Variants in PPOX observed in about 807,000 individuals in gnomAD.
The protein encoded by PPOX is protoporphyrinogen oxidase.
In PPOX, 23 loss-of-function variants were observed where a neutral mutation model predicts 54.1. The observed-to-expected ratio is 0.43, with a 90% CI of 0.31 to 0.60. PPOX has a LOEUF of 0.60. PPOX is among the 20% of genes least tolerant of loss of function. The pLI, the probability that PPOX is intolerant of heterozygous loss-of-function variation, is 0.13. For missense variants in PPOX, 512 were observed against 601.1 expected (o/e 0.85, Z 1.55); for synonymous variants, 224 against 236.1 (o/e 0.95, Z 0.47).
At chr1:161,171,747 G>A (rs1047712763), downstream of PPOX, 4 of 1,567,326 alleles carry the variant, frequency 2.6e-6, no homozygotes, top group Admixed American at 5.1e-5. Flanking sequence ...GAACAGTGAG[G>A]AGCTGAGGGT....
chr1:161,166,470 C>G lies in PPOX; in HGVS notation c.-211C>G. ...CCGAAAAGGCTGGGGGTGGGAGTAG[C>G]GGATTTGAAGCACTTGTTGGCCTAC... On this transcript the variant is annotated 5_prime_UTR_variant, in exon 1 of 13. Coordinates refer to ENST00000367999, the MANE Select transcript of PPOX (RefSeq NM_001122764.3). 1.6e-6 allele frequency: 2 copies of G among 1,236,534 alleles called. No individual in the cohort carries two copies. Among genetic ancestry groups the G allele is most frequent in the Non-Finnish European group, 2.0e-6 (2 of 976,022 alleles). The allele number at this position is 1,236,534 out of a possible 1,614,324, so 76.6% of individuals were successfully genotyped here.
At chr1:161,171,879 C>A (rs775492179), downstream of PPOX, 7 of 1,613,990 alleles carry the variant, frequency 4.3e-6, no homozygotes, top group Non-Finnish European at 5.9e-6. Context: ...TGGCTGGGGG[C>A]CGGCGTTGCA....
In PPOX at chr1:161,170,929, T is replaced by C; in HGVS notation, c.1271T>C (p.Leu424Pro). ...LHKNCIPQYTLGHWQKLESAR... is the reference protein window; with the variant it reads ...LHKNCIPQYTPGHWQKLESAR... ...CAGAACTGCATTCCCCAGTATACACTAGGTCACTGGCAAAAACTAGGTAAG... is the reference window on the plus strand; with the variant it reads ...CAGAACTGCATTCCCCAGTATACACCAGGTCACTGGCAAAAACTAGGTAAG... The change falls in exon 12 of 13, where the codon CTA (leucine) becomes CCA (proline). Residue 424 changes from leucine to proline, a missense_variant. By Grantham distance (98) the Leu-to-Pro change is moderately conservative. Transcript: ENST00000367999. 6.2e-7 allele frequency: 1 copy of C among 1,614,078 alleles called. No homozygotes were observed. The highest frequency in any genetic ancestry group is 2.2e-5 in the East Asian group (1 of 44,888).
At position 161,166,807 on chromosome 1, in the gene PPOX, G is replaced by C. The variant is rs372403980; in HGVS notation, c.-8-33G>C. On this transcript the variant is annotated intron_variant, in intron 1 of 12. Coordinates refer to ENST00000367999, the MANE Select transcript of PPOX (RefSeq NM_001122764.3). ...GCTTCTGGAGCGCAGGTTGTCCCCG[G>C]TCTGCCTGTCCATATCGCCCCCTTT... is the stretch of plus-strand genomic sequence containing the variant. 60 of 1,609,232 alleles carry C rather than the reference G, an allele frequency of 3.7e-5. No homozygotes were observed. In the African/African-American group the frequency reaches 7.5e-4, roughly 20 times the overall value.
intron 9 of PPOX, 89 bp from the exon 10 acceptor site, chr1:161,170,320 G>GGGGGGGGGCC: frequency 1.0e-5 from 5 of 494,788 alleles, no homozygotes; most frequent in East Asian, 5.4e-5. Context: ...GTGAGACTCT[G>GGGGGGGGGCC]TCCCCCCCAC....
rs779526273 is a variant in PPOX at position 161,166,846 on chromosome 1, G to A, written c.-2G>A. 6.2e-7 allele frequency: 1 copy of A among 1,613,174 alleles called. No individual in the cohort carries two copies. The highest frequency in any genetic ancestry group is 8.5e-7 in the Non-Finnish European group (1 of 1,180,030). On this transcript the variant is annotated 5_prime_UTR_variant, in exon 2 of 13. Coordinates refer to ENST00000367999, the MANE Select transcript of PPOX (RefSeq NM_001122764.3). Reference sequence around the variant, plus strand: ...ATCGCCCCCTTTCCCCCAGGTTTCCGCATGGGCCGGACCGTGGTCGTGCTG... The same window carrying A: ...ATCGCCCCCTTTCCCCCAGGTTTCCACATGGGCCGGACCGTGGTCGTGCTG...
At chr1:161,175,890 G>A, downstream of PPOX, 5 of 1,614,176 alleles carry the variant, frequency 3.1e-6, no homozygotes, top group African/African-American at 1.3e-5. Flanking sequence ...GGTGACTGAG[G>A]TTACTGTAGA....
chr1:161,174,095 G>A (rs113974201), downstream of PPOX: 157 of 1,580,748 alleles, frequency 9.9e-5, 1 homozygote, highest in African/African-American at 2.6e-4. Context: ...TAGGTGGCAC[G>A]GAGAAAAGGG....
At chr1:161,168,952 C>T (rs1286615321) in intron 6 of PPOX, 41 bp from the exon 7 acceptor site, 2 of 1,609,474 alleles carry the variant, frequency 1.2e-6, no homozygotes. Context: ...GTGTGAGCCA[C>T]TGCATCCAGC....
downstream of PPOX, chr1:161,175,274 A>G: frequency 6.5e-7 from 1 of 1,547,070 alleles, no homozygotes; most frequent in Non-Finnish European, 8.9e-7. Context: ...GGGCAAAGAG[A>G]AAAGAATCAA....
chr1:161,172,354 A>G (rs776265561), downstream of PPOX: 142 of 1,601,032 alleles, frequency 8.9e-5, no homozygotes, highest in Non-Finnish European at 1.2e-4. Flanking sequence ...TGAGGGTATC[A>G]TGGGGGATCC....
chr1:161,172,459 A>G, downstream of PPOX: 2 of 771,406 alleles, frequency 2.6e-6, no homozygotes, highest in Non-Finnish European at 2.0e-6. Context: ...AGCCCAGGAC[A>G]GAAGTCAAAC....
chr1:161,173,727 G>C (rs1454473717), downstream of PPOX: 1 of 1,614,110 alleles, frequency 6.2e-7, no homozygotes, highest in Non-Finnish European at 8.5e-7. Context: ...GGTACGGGAG[G>C]CTAGGGAGAG....
rs1384437228 is a variant in PPOX, at chr1:161,169,086, C to T, written c.710C>T (p.Pro237Leu). 1 of 1,614,096 alleles carries T rather than the reference C, an allele frequency of 6.2e-7. No individual in the cohort carries two copies. The highest frequency in any genetic ancestry group is 8.5e-7 in the Non-Finnish European group (1 of 1,180,054). ...CTTCGTGGAGGTCTAGAGATGTTGC[C>T]TCAGGCCCTTGAAACCCACCTGACT... Reference protein sequence around the residue: ...WSLRGGLEMLPQALETHLTSR... With the variant: ...WSLRGGLEMLLQALETHLTSR... Residue 237 changes from proline to leucine, a missense_variant, in exon 7 of 13, where the codon CCT becomes CTT. By Grantham distance (98) the Pro-to-Leu change is moderately conservative (BLOSUM62 -3). Transcript: ENST00000367999.
downstream of PPOX, chr1:161,176,028 C>T (rs376654906): frequency 4.4e-4 from 707 of 1,613,960 alleles, no homozygotes; most frequent in Non-Finnish European, 5.6e-4. Flanking sequence ...GCAGGGCCAG[C>T]GTGCAAGGCC....
chr1:161,168,317 G>A, intron 5 of PPOX, 115 bp from the exon 6 acceptor site: 1 of 1,570,838 alleles, frequency 6.4e-7, no homozygotes, highest in Admixed American at 1.7e-5. Flanking sequence ...CGTCACAGTG[G>A]GAATGTCCCC....
At chr1:161,175,068 C>A, downstream of PPOX, 1 of 1,614,120 alleles carries the variant, frequency 6.2e-7, no homozygotes, top group East Asian at 2.2e-5. Context: ...GCAGCAGGCG[C>A]AGGTGGTGCT....
chr1:161,170,095 G>C, intron 9 of PPOX, 71 bp downstream of exon 9: 1 of 1,534,310 alleles, frequency 6.5e-7, no homozygotes, highest in Non-Finnish European at 8.8e-7. Context: ...GGGAGGCCGA[G>C]GTGGGCAGAT....
At chr1:161,169,420 C>G (rs1324053283) in intron 7 of PPOX, 3 of 682,116 alleles carry the variant, frequency 4.4e-6, no homozygotes, top group Non-Finnish European at 7.5e-6. Flanking sequence ...GGGGAAAGAA[C>G]CCAGCTTCAC....
Sources: allele counts gnomAD v4.1 joint callset, GRCh38; gene constraint gnomAD v4.1.1; transcripts MANE v1.5; gene names NCBI Gene and HGNC (gene_info 2026-07-23, HGNC 2026-07-21).